CCZ1: variants seen among roughly 807,000 people sequenced by gnomAD.
The protein encoded by CCZ1 is vacuolar fusion protein CCZ1 homolog.
A neutral mutation model predicts 57.8 loss-of-function variants in CCZ1; 19 were observed. That is an observed-to-expected ratio of 0.33 (90% CI 0.23 to 0.48). CCZ1 has a LOEUF of 0.48. CCZ1 is among the 20% of genes least tolerant of loss of function. The pLI, the probability that CCZ1 is intolerant of heterozygous loss-of-function variation, is 0.99. For synonymous variants in CCZ1, 81 were observed against 167.0 expected (o/e 0.49, Z 3.97); for missense variants, 200 against 492.0 (o/e 0.41, Z 5.61).
At chr7:5,922,029 T>TTTTTGGTAGAGGCGGGG in intron 12 of CCZ1, among the ~76,000 whole-genome samples, 2 of 149,754 alleles carry the variant, frequency 1.3e-5, no homozygotes, top group Non-Finnish European at 3.0e-5. Flanking sequence ...AATTTTTGTA[T>TTTTTGGTAGAGGCGGGG]TTTTGGTAGA....
At chr7:5,923,092 G>T (rs1284996607) in intron 12 of CCZ1, among the ~76,000 whole-genome samples, 2 of 118,468 alleles carry the variant, frequency 1.7e-5, no homozygotes, top group Non-Finnish European at 3.4e-5. Flanking sequence ...GCCAAGGCGG[G>T]TGGATCACAA....
At chr7:5,916,513 T>TTTTTTGG (rs1779150711) in intron 10 of CCZ1, among the ~76,000 whole-genome samples, 1 of 128,936 alleles carries the variant, frequency 7.8e-6, no homozygotes, top group Non-Finnish European at 1.7e-5. Context: ...TTGTTTTTTT[T>TTTTTTGG]TTTTTTGGTT....
intron 10 of CCZ1, among the ~76,000 whole-genome samples, chr7:5,916,499 TTTTTTG>T (rs1779148772): frequency 2.8e-4 from 2 of 7,172 alleles, no homozygotes; most frequent in African/African-American, 5.3e-4. Flanking sequence ...TTTTGTTTTG[TTTTTTG>T]TTTTTTTTTT....
chr7:5,901,996 T>G (rs890447197), intron 5 of CCZ1: 15 of 366,512 alleles, frequency 4.1e-5, no homozygotes, highest in Admixed American at 8.2e-5. Flanking sequence ...ATTTTATGAT[T>G]TAAAAGTTTC....
intron 6 of CCZ1, among the ~76,000 whole-genome samples, chr7:5,904,382 G>A (rs1267292912): frequency 2.1e-5 from 3 of 145,956 alleles, no homozygotes; most frequent in Non-Finnish European, 4.4e-5. Flanking sequence ...CGCTGTGCCT[G>A]GCCAGGAATT....
At position 5,915,393 on chromosome 7, in the gene CCZ1, C is replaced by T. The variant is rs1779128457; in HGVS notation, c.954+2439C>T. On this transcript the variant is annotated intron_variant, in intron 10 of 14. Coordinates refer to ENST00000325974, the MANE Select transcript of CCZ1 (RefSeq NM_015622.6). ...AAAAAAATCATCCTCCTTTGAATGA[C>T]CCAGGTAATGGCTGAAATCTCCATA... Among the ~76,000 whole-genome samples, 3 of 138,784 alleles carry T rather than the reference C, an allele frequency of 2.2e-5. No individual in the cohort carries two copies. The South Asian group carries it at 7.4e-4, about 34-fold the overall frequency. The allele number at this position is 138,784 out of a possible 152,430, so 91.0% of individuals were successfully genotyped here. A position where few individuals can be genotyped will look rare whatever the true frequency, so the allele number is the denominator to read the frequency against.
intron 1 of CCZ1, among the ~76,000 whole-genome samples, chr7:5,899,331 G>GT (rs1562536405): frequency 7.7e-4 from 11 of 14,250 alleles, no homozygotes; most frequent in Middle Eastern, 0.042. Flanking sequence ...ATTTCGGGAG[G>GT]GGGGTGTGTG....
rs1008966162 is a variant in CCZ1, at chr7:5,901,658, A to G, written c.392A>G (p.Asp131Gly). 1 of 1,596,952 alleles carries G rather than the reference A, an allele frequency of 6.3e-7. No homozygotes were observed. Among genetic ancestry groups the G allele is most frequent in the African/African-American group, 1.4e-5 (1 of 72,572 alleles). Residue 131 changes from aspartate to glycine, a missense_variant and splice_region_variant, in exon 5 of 15, where the codon GAC becomes GGC. Asp to Gly is a moderately conservative substitution (Grantham distance 94). Around this residue, in one of 5 missense-constraint regions of CCZ1, gnomAD observed 44 missense variants for 122.8 expected, o/e 0.36. Transcript: ENST00000325974. ...TGTGCTGTGTTTTCGCGTCTGCAGGACAAGGTTTATAGCTCGGTGCTGCGG... is the reference window on the plus strand; with the variant it reads ...TGTGCTGTGTTTTCGCGTCTGCAGGGCAAGGTTTATAGCTCGGTGCTGCGG... The part of the protein sequence containing the change: ...VIEYQEEELL[D>G]KVYSSVLRQC...
chr7:5,923,178 G>T (rs62453633), intron 12 of CCZ1, among the ~76,000 whole-genome samples: 28,568 of 78,900 alleles, frequency 0.36, 2,456 homozygotes, highest in African/African-American at 0.47. Flanking sequence ...TTAGCTGGGC[G>T]TGGTGGCGGG....
At position 5,926,549 on chromosome 7, in the gene CCZ1, C is replaced by G; in HGVS notation, c.*862C>G. 6.2e-7 allele frequency: 1 copy of G among 1,605,492 alleles called. No individual in the cohort carries two copies. Among genetic ancestry groups the G allele is most frequent in the Non-Finnish European group, 8.5e-7 (1 of 1,173,476 alleles). Reference sequence around the variant, plus strand: ...CTCTCTCAAGATGAAGATGTTCAGCCTAAAAGCAAACATGAGAAGGTGGTA... The same window carrying G: ...CTCTCTCAAGATGAAGATGTTCAGCGTAAAAGCAAACATGAGAAGGTGGTA... On this transcript the variant is annotated 3_prime_UTR_variant, in exon 15 of 15. Transcript: ENST00000325974.
intron 10 of CCZ1, 152 bp downstream of exon 10, chr7:5,913,106 C>A: frequency 1.3e-6 from 1 of 753,996 alleles, no homozygotes; most frequent in Non-Finnish European, 2.1e-6. Flanking sequence ...GGTGTTCTTC[C>A]AGCGTAATAA....
In CCZ1 at chr7:5,915,679, C is replaced by T. The variant is rs879932840; in HGVS notation, c.954+2725C>T. Among the ~76,000 whole-genome samples, 569 of 146,208 alleles carry T rather than the reference C, an allele frequency of 3.9e-3. 1 individual carries two copies. The highest frequency in any genetic ancestry group is 0.013 in the African/African-American group (521 of 40,126). ...CACCCACTGCGAGTTTGGGAGTCCC[C>T]GTGACCACCTTTAGGGTAAGAGTTC... On this transcript the variant is annotated intron_variant, in intron 10 of 14. Transcript: ENST00000325974.
chr7:5,898,886 C>T lies in CCZ1; in HGVS notation c.87C>T (p.Ile29=), dbSNP rs1781610692. Residue 29 remains isoleucine, a synonymous_variant, in exon 1 of 15, where the codon ATC becomes ATT. Transcript: ENST00000325974. ...QFPPALLSFF[I]YNPRFGPREG... is the part of the protein sequence containing the mutation. ...CGCCGGCGCTGCTGAGTTTCTTCAT[C>T]TACAACCCGCGCTTCGGGCCGCGCG... 1 of 523,950 alleles carries T rather than the reference C, an allele frequency of 1.9e-6. No homozygotes were observed. The highest frequency in any genetic ancestry group is 3.0e-6 in the Non-Finnish European group (1 of 329,708). 32.5% of individuals were successfully genotyped at this position (523,950 alleles called of 1,614,324 possible).
At position 5,902,284 on chromosome 7, in the gene CCZ1, C is replaced by T. The variant is rs187668214; in HGVS notation, c.439-377C>T. 2,070 of 216,048 alleles carry T rather than the reference C, an allele frequency of 9.6e-3. 17 individuals carry two copies. Among genetic ancestry groups the T allele is most frequent in the Non-Finnish European group, 0.014 (1,634 of 118,676 alleles). The allele number at this position is 216,048 out of a possible 1,614,324, so 13.4% of individuals were successfully genotyped here. On this transcript the variant is annotated intron_variant, in intron 5 of 14. Coordinates refer to ENST00000325974, the MANE Select transcript of CCZ1 (RefSeq NM_015622.6). ...CTGCACTCTACCCTGGGCAACAGAGCGAGATTCCATCTCAAAAAAAAAAAA... is the reference window on the plus strand; with the variant it reads ...CTGCACTCTACCCTGGGCAACAGAGTGAGATTCCATCTCAAAAAAAAAAAA...
At chr7:5,912,088 G>A (rs1317746800) in intron 9 of CCZ1, among the ~76,000 whole-genome samples, 166 bp downstream of exon 9, 1 of 151,180 alleles carries the variant, frequency 6.6e-6, no homozygotes, top group Admixed American at 6.6e-5. Flanking sequence ...CCAAGTAGCT[G>A]GAACTACAGG....
Position 5,900,806 on chromosome 7 carries a change from C to T in CCZ1, c.313-49C>T, listed in dbSNP as rs769110518. On this transcript the variant is annotated intron_variant, in intron 3 of 14. Coordinates refer to ENST00000325974, the MANE Select transcript of CCZ1 (RefSeq NM_015622.6). ...AGTTTTTAAATTAAGGCAAAATAAA[C>T]ATGGTCTAATGAATTCATTGTATAA... 3.3e-6 allele frequency: 5 copies of T among 1,537,146 alleles called. No individual in the cohort carries two copies. The South Asian group carries it at 4.9e-5, about 15-fold the overall frequency.
chr7:5,906,319 CTTTCTTT>C (rs1293207185), intron 7 of CCZ1, among the ~76,000 whole-genome samples: 2 of 111,498 alleles, frequency 1.8e-5, no homozygotes, highest in South Asian at 3.6e-4. Context: ...CACTTTCTTT[CTTTCTTT>C]TTTTTTTTTT....
At chr7:5,908,858 TCTC>T (rs757495289) in intron 7 of CCZ1, among the ~76,000 whole-genome samples, 7 of 147,492 alleles carry the variant, frequency 4.7e-5, no homozygotes, top group South Asian at 2.3e-4. Flanking sequence ...AGCTTGTTTT[TCTC>T]CTCCTCCTCT....
At chr7:5,908,423 G>C (rs1781886175) in intron 7 of CCZ1, among the ~76,000 whole-genome samples, 1 of 147,578 alleles carries the variant, frequency 6.8e-6, no homozygotes, top group African/African-American at 2.5e-5. Flanking sequence ...TGGTTGCCCA[G>C]GCTAGAGTGC....
Sources: gnomAD v4.1 joint callset for allele counts (sites outside exome capture counted in the v4.1 genomes callset) on GRCh38, gnomAD v4.1.1 for gene constraint, gnomAD v4.1.1 regional missense constraint, MANE v1.5 for transcripts, NCBI Gene and HGNC (gene_info 2026-07-23, HGNC 2026-07-21) for gene names.